Variants in EXOC5 observed in about 807,000 individuals in gnomAD.
The protein encoded by EXOC5 is exocyst complex component 5.
EXOC5 carries 17 observed loss-of-function variants against 90.8 expected under a neutral mutation model. The observed-to-expected ratio is 0.19, with a 90% CI of 0.13 to 0.28. The LOEUF (loss-of-function observed/expected upper bound fraction) is 0.28. Ranked by LOEUF, EXOC5 falls within the 10% of genes least tolerant of loss-of-function variation. EXOC5 has a pLI of 1.00. For synonymous variants in EXOC5, 260 were observed against 270.0 expected (o/e 0.96, Z 0.36); for missense variants, 569 against 830.6 (o/e 0.69, Z 3.87).
chr14:57,248,561 A>G (rs1465187821), intron 1 of EXOC5, among the ~76,000 whole-genome samples: 2 of 152,080 alleles, frequency 1.3e-5, no homozygotes, highest in Admixed American at 6.5e-5. Flanking sequence ...AGAAGGCTCA[A>G]TCAAGAAAAT....
intron 1 of EXOC5, among the ~76,000 whole-genome samples, chr14:57,260,483 T>C (rs777594049): frequency 2.0e-5 from 3 of 152,188 alleles, no homozygotes; most frequent in Non-Finnish European, 2.9e-5. Flanking sequence ...TGAAGACTAT[T>C]TAAACGATGG....
At position 57,208,685 on chromosome 14, in the gene EXOC5, T is replaced by C. The variant is rs1395146260; in HGVS notation, c.2051A>G (p.Asp684Gly). 3 of 1,612,724 alleles carry C rather than the reference T, an allele frequency of 1.9e-6. No individual in the cohort carries two copies. Among genetic ancestry groups the C allele is most frequent in the Non-Finnish European group, 2.5e-6 (3 of 1,179,426 alleles). ...TACGAAGGAGTGAAGTATATTCTTGTCCAGATTAGCAAGTTGTTCTCCTGA... is the reference window on the plus strand; with the variant it reads ...TACGAAGGAGTGAAGTATATTCTTGCCCAGATTAGCAAGTTGTTCTCCTGA... ...VCSGEQLANL[D>G]KNILHSFVQL... Residue 684 changes from aspartate to glycine, a missense_variant, in exon 18 of 18, where the codon GAC becomes GGC. Around this residue, in one of 9 missense-constraint regions of EXOC5, gnomAD observed 122 missense variants for 180.0 expected, o/e 0.68. Transcript: ENST00000621441.
intron 12 of EXOC5, among the ~76,000 whole-genome samples, chr14:57,228,011 TACAC>T (rs60151728): frequency 0.018 from 2,581 of 144,220 alleles, 60 homozygotes; most frequent in African/African-American, 0.052. Flanking sequence ...TATATATACA[TACAC>T]ACACACACAC....
rs962639997 is a variant in EXOC5 at position 57,204,458 on chromosome 14, A to T, written c.*4151T>A. 5.9e-5 allele frequency: 9 copies of T among 152,136 alleles called. No individual in the cohort carries two copies. Among genetic ancestry groups the T allele is most frequent in the African/African-American group, 2.2e-4 (9 of 41,442 alleles). 9.4% of individuals were successfully genotyped at this position (152,136 alleles called of 1,614,324 possible). ...TAATATACTAAATATTTTGCCTTAC[A>T]TTTTCACTCCAGCATTAGTCATTTA... On this transcript the variant is annotated 3_prime_UTR_variant, in exon 18 of 18. Coordinates refer to ENST00000621441, the MANE Select transcript of EXOC5 (RefSeq NM_006544.4).
intron 1 of EXOC5, 143 bp downstream of exon 1, chr14:57,268,479 G>T: frequency 6.7e-7 from 1 of 1,486,840 alleles, no homozygotes. Context: ...CTGACACGGA[G>T]CTGCCACCCC....
chr14:57,238,157 A>C (rs550061755), intron 5 of EXOC5, among the ~76,000 whole-genome samples: 1 of 151,416 alleles, frequency 6.6e-6, no homozygotes, highest in African/African-American at 2.4e-5. Flanking sequence ...ATCACATATA[A>C]GGCCATATTA....
intron 1 of EXOC5, among the ~76,000 whole-genome samples, chr14:57,248,332 G>A (rs1198380925): frequency 6.6e-6 from 1 of 151,974 alleles, no homozygotes; most frequent in East Asian, 1.9e-4. Flanking sequence ...TGAGCATTAT[G>A]TATATTACTA....
intron 1 of EXOC5, among the ~76,000 whole-genome samples, chr14:57,263,031 C>G (rs889578775): frequency 1.3e-5 from 2 of 152,098 alleles, no homozygotes; most frequent in African/African-American, 4.8e-5. Flanking sequence ...GTCAGGTTGC[C>G]CACGATCCCT....
intron 15 of EXOC5, among the ~76,000 whole-genome samples, chr14:57,210,302 C>G (rs1882788866): frequency 6.6e-6 from 1 of 152,134 alleles, no homozygotes; most frequent in Admixed American, 6.5e-5. Flanking sequence ...TGCAATACTT[C>G]AAGATTCAAA....
At chr14:57,217,429 C>T (rs1038879505) in intron 15 of EXOC5, among the ~76,000 whole-genome samples, 1 of 152,276 alleles carries the variant, frequency 6.6e-6, no homozygotes, top group Admixed American at 6.5e-5. Flanking sequence ...GTAATCCTTA[C>T]AATATTTCAA....
intron 5 of EXOC5, among the ~76,000 whole-genome samples, chr14:57,238,437 T>G (rs2139645305): frequency 6.7e-6 from 1 of 150,352 alleles, no homozygotes; most frequent in South Asian, 2.1e-4. Flanking sequence ...TATATGTATA[T>G]ATGCATGTGT....
chr14:57,262,551 TG>T (rs1389497897), intron 1 of EXOC5, among the ~76,000 whole-genome samples: 22 of 147,434 alleles, frequency 1.5e-4, no homozygotes, highest in South Asian at 8.4e-4. Context: ...TGTGTGTGTG[TG>T]TGTGTGTGTG....
intron 1 of EXOC5, among the ~76,000 whole-genome samples, chr14:57,263,402 C>T (rs750283000): frequency 3.3e-5 from 5 of 151,326 alleles, no homozygotes; most frequent in South Asian, 2.1e-4. Context: ...CCTAGGAGGT[C>T]GACGCTGCAG....
intron 11 of EXOC5, among the ~76,000 whole-genome samples, chr14:57,230,428 C>A (rs1189874426): frequency 6.7e-6 from 1 of 150,282 alleles, no homozygotes; most frequent in Non-Finnish European, 1.5e-5. Flanking sequence ...ACCGTAAACA[C>A]ACACACACAC....
At chr14:57,255,652 G>A (rs1884328031) in intron 1 of EXOC5, among the ~76,000 whole-genome samples, 1 of 152,078 alleles carries the variant, frequency 6.6e-6, no homozygotes, top group Non-Finnish European at 1.5e-5. Context: ...GGGCAATACA[G>A]TGAAACCCTG....
Position 57,201,496 on chromosome 14 carries a change from GTATATACACACACATATGTATA to G in EXOC5, c.*7091_*7112del, listed in dbSNP as rs1372693765. On this transcript the variant is annotated 3_prime_UTR_variant, in exon 18 of 18. Transcript: ENST00000621441. ...TACACACACGTGTATAAACACACGT[GTATATACACACACATATGTATA>G]TATATACACACACACCACACATATA... is the stretch of plus-strand genomic sequence containing the variant. The G allele has an allele frequency of 2.4e-5, 3 of 122,692 alleles. No homozygotes were observed. Among genetic ancestry groups the G allele is most frequent in the East Asian group, 2.2e-4 (1 of 4,564 alleles). 7.6% of individuals were successfully genotyped at this position (122,692 alleles called of 1,614,324 possible). A position where few individuals can be genotyped will look rare whatever the true frequency, so the allele number is the denominator to read the frequency against.
intron 13 of EXOC5, 43 bp from the exon 14 acceptor site, chr14:57,219,485 A>G: frequency 1.4e-6 from 2 of 1,480,844 alleles, no homozygotes; most frequent in Non-Finnish European, 1.8e-6. Flanking sequence ...ATCCTTGAAG[A>G]AATTCATCTT....
intron 1 of EXOC5, among the ~76,000 whole-genome samples, chr14:57,255,013 C>A (rs1884308736): frequency 6.6e-6 from 1 of 152,178 alleles, no homozygotes; most frequent in Non-Finnish European, 1.5e-5. Flanking sequence ...GTATGAAGTT[C>A]TTTGTATAAC....
intron 1 of EXOC5, among the ~76,000 whole-genome samples, chr14:57,249,579 C>T (rs1003902602): frequency 1.3e-5 from 2 of 151,870 alleles, no homozygotes; most frequent in Non-Finnish European, 2.9e-5. Context: ...GGACCTACTA[C>T]GTGCTAGAGA....
Sources: gnomAD v4.1 joint callset for allele counts (sites outside exome capture counted in the v4.1 genomes callset) on GRCh38, gnomAD v4.1.1 for gene constraint, gnomAD v4.1.1 regional missense constraint, MANE v1.5 for transcripts, NCBI Gene and HGNC (gene_info 2026-07-23, HGNC 2026-07-21) for gene names.